PRKG1: variants seen among roughly 807,000 people sequenced by gnomAD.
PRKG1 encodes the protein cGMP-dependent protein kinase 1.
In PRKG1, 35 loss-of-function variants were observed where a neutral mutation model predicts 88.1. The ratio of observed to expected loss-of-function variants is 0.40; its 90% CI spans 0.30 to 0.53. The LOEUF (loss-of-function observed/expected upper bound fraction) is 0.53, where lower values mean the gene tolerates loss of function less well. Ranked by LOEUF, PRKG1 falls within the 20% of genes least tolerant of loss-of-function variation. PRKG1 has a pLI of 0.59. For synonymous variants in PRKG1, 303 were observed against 292.5 expected (o/e 1.04, Z -0.37); for missense variants, 540 against 839.8 (o/e 0.64, Z 4.41).
Position 51,116,542 on chromosome 10 carries a change from T to C in PRKG1, c.312-36622T>C, listed in dbSNP as rs936927509. ...CAACATGCAAGGAGGTGAATGTTAA[T>C]ATGATGCAAACAGAATACAGAAAAG... On this transcript the variant is annotated intron_variant, in intron 1 of 17. Coordinates refer to ENST00000373980, the MANE Select transcript of PRKG1 (RefSeq NM_006258.4). Among the ~76,000 whole-genome samples the C allele has an allele frequency of 3.7e-4, 57 of 152,122 alleles. 2 individuals are homozygous for C. The highest frequency in any genetic ancestry group is 2.9e-5 in the Non-Finnish European group (2 of 68,032).
At chr10:51,012,219 C>G (rs1469819381) in intron 1 of PRKG1, among the ~76,000 whole-genome samples, 1 of 152,148 alleles carries the variant, frequency 6.6e-6, no homozygotes, top group African/African-American at 2.4e-5. Context: ...GTGTTTCCAG[C>G]TCAGGGTAAG....
chr10:51,947,227 A>G (rs897068888), intron 5 of PRKG1, among the ~76,000 whole-genome samples: 1 of 152,086 alleles, frequency 6.6e-6, no homozygotes, highest in Non-Finnish European at 1.5e-5. Context: ...CTGCTGTGCT[A>G]GCAATCAGCG....
chr10:51,911,531 G>A (rs1007469495), intron 5 of PRKG1, among the ~76,000 whole-genome samples: 3 of 152,274 alleles, frequency 2.0e-5, no homozygotes, highest in South Asian at 2.1e-4. Context: ...GTGAGCCATA[G>A]TACAGTCCAT....
chr10:51,938,373 T>A (rs1842838938), intron 5 of PRKG1, among the ~76,000 whole-genome samples: 1 of 151,968 alleles, frequency 6.6e-6, no homozygotes, highest in Non-Finnish European at 1.5e-5. Flanking sequence ...TATCTGCAAG[T>A]TTTAGACAGC....
chr10:51,975,760 T>C (rs1843816747), intron 5 of PRKG1, among the ~76,000 whole-genome samples: 1 of 152,020 alleles, frequency 6.6e-6, no homozygotes, highest in Non-Finnish European at 1.5e-5. Context: ...TTTTTAGATA[T>C]GACACTAAAA....
At chr10:51,093,179 T>C (rs1211411499) in intron 1 of PRKG1, among the ~76,000 whole-genome samples, 1 of 152,168 alleles carries the variant, frequency 6.6e-6, no homozygotes, top group Admixed American at 6.5e-5. Context: ...ACCTGGGAGC[T>C]TGTTAGAAAT....
At chr10:51,560,049 T>G (rs922236136) in intron 3 of PRKG1, among the ~76,000 whole-genome samples, 1 of 152,184 alleles carries the variant, frequency 6.6e-6, no homozygotes, top group Non-Finnish European at 1.5e-5. Flanking sequence ...TTAATTTAAC[T>G]TTGGTACCAC....
At chr10:51,486,696 C>T (rs538550467) in intron 3 of PRKG1, among the ~76,000 whole-genome samples, 46 of 152,138 alleles carry the variant, frequency 3.0e-4, no homozygotes, top group African/African-American at 9.6e-4. Context: ...ACTTTTCAAG[C>T]GACTGCTGAG....
chr10:52,256,423 C>A (rs1841309111), intron 10 of PRKG1, among the ~76,000 whole-genome samples: 1 of 139,178 alleles, frequency 7.2e-6, no homozygotes, highest in Non-Finnish European at 1.6e-5. Context: ...ATTAGGCTTT[C>A]TGGATTCAGA....
intron 3 of PRKG1, among the ~76,000 whole-genome samples, chr10:51,689,281 C>G (rs940189821): frequency 7.8e-6 from 1 of 128,660 alleles, no homozygotes; most frequent in Non-Finnish European, 1.6e-5. Context: ...TATTTCAAAG[C>G]ATTCAAGATA....
intron 10 of PRKG1, among the ~76,000 whole-genome samples, chr10:52,263,412 C>T (rs58198087): frequency 6.6e-6 from 1 of 151,912 alleles, no homozygotes; most frequent in African/African-American, 2.4e-5. Context: ...TTAACAACTT[C>T]ATTGAGGTAT....
intron 2 of PRKG1, among the ~76,000 whole-genome samples, chr10:51,173,961 T>C (rs1837121363): frequency 6.6e-6 from 1 of 151,850 alleles, no homozygotes; most frequent in African/African-American, 2.4e-5. Context: ...AATAGAGAAC[T>C]GGTTACGACT....
At chr10:52,240,893 A>G (rs1164511966) in intron 9 of PRKG1, among the ~76,000 whole-genome samples, 2 of 152,164 alleles carry the variant, frequency 1.3e-5, no homozygotes, top group Non-Finnish European at 2.9e-5. Context: ...GTACATATCA[A>G]ATAAATACTA....
chr10:51,402,641 G>T (rs536171600), intron 2 of PRKG1, among the ~76,000 whole-genome samples: 2 of 152,168 alleles, frequency 1.3e-5, no homozygotes, highest in Non-Finnish European at 2.9e-5. Context: ...TGGTGATAAG[G>T]GCTGTCAGAT....
At chr10:52,023,623 T>C (rs1845246476) in intron 5 of PRKG1, among the ~76,000 whole-genome samples, 1 of 152,250 alleles carries the variant, frequency 6.6e-6, no homozygotes. Context: ...TGGTATGAGA[T>C]GGTATCTCAT....
At chr10:51,093,158 G>T (rs1010531532) in intron 1 of PRKG1, among the ~76,000 whole-genome samples, 3 of 152,144 alleles carry the variant, frequency 2.0e-5, no homozygotes, top group Admixed American at 2.0e-4. Flanking sequence ...TGGACAAACA[G>T]CTTCAGCGTC....
intron 5 of PRKG1, among the ~76,000 whole-genome samples, chr10:51,996,886 A>G (rs368137317): frequency 1.0e-3 from 153 of 152,314 alleles, no homozygotes; most frequent in Middle Eastern, 3.4e-3. Flanking sequence ...ATCAACCTGA[A>G]TGTTCATCAA....
At chr10:51,464,617 T>C (rs57695229) in intron 2 of PRKG1, among the ~76,000 whole-genome samples, 42,121 of 151,340 alleles carry the variant, frequency 0.28, 6,564 homozygotes, top group African/African-American at 0.42. Context: ...TCAGGCCGGG[T>C]GCGGTGGCTC....
At chr10:51,368,617 C>T (rs909138143) in intron 2 of PRKG1, among the ~76,000 whole-genome samples, 4 of 151,890 alleles carry the variant, frequency 2.6e-5, no homozygotes, top group African/African-American at 9.7e-5. Context: ...CATGGGATGA[C>T]AAAAGAGAGT....
Sources: allele counts gnomAD v4.1 joint callset (sites outside exome capture counted in the v4.1 genomes callset), GRCh38; gene constraint gnomAD v4.1.1; transcripts MANE v1.5; gene names NCBI Gene and HGNC (gene_info 2026-07-23, HGNC 2026-07-21).